Variants in VTI1A observed in about 807,000 individuals in gnomAD.
VTI1A encodes vesicle transport through interaction with t-SNAREs 1A.
VTI1A carries 22 observed loss-of-function variants against 34.9 expected under a neutral mutation model. The ratio of observed to expected loss-of-function variants is 0.63; its 90% confidence interval spans 0.45 to 0.90. The LOEUF (loss-of-function observed/expected upper bound fraction) is 0.90. VTI1A is among the 40% of genes least tolerant of loss of function. The pLI, the probability that VTI1A is intolerant of heterozygous loss-of-function variation, is 0.00. For missense variants in VTI1A, 268 were observed against 275.6 expected (o/e 0.97, Z 0.20); for synonymous variants, 87 against 97.3 (o/e 0.89, Z 0.62).
rs1200589265 is a variant in VTI1A at position 112,816,634 on chromosome 10, T to TC, written c.*1257dup. 1.3e-5 allele frequency: 3 copies of TC among 227,106 alleles called. No individual in the cohort carries two copies. Among genetic ancestry groups the TC allele is most frequent in the African/African-American group, 4.4e-5 (2 of 45,002 alleles). The allele number at this position is 227,106 out of a possible 1,614,324, so 14.1% of individuals were successfully genotyped here. A position where few individuals can be genotyped will look rare whatever the true frequency, so the allele number is the denominator to read the frequency against. On this transcript the variant is annotated 3_prime_UTR_variant, in exon 8 of 8. Coordinates refer to ENST00000393077, the MANE Select transcript of VTI1A (RefSeq NM_145206.4). ...AAAAGTTGCCCAAGCTGAGGTCGTT[T>TC]CCCCCCAGTCACAAAGCAGAATGTT...
Position 112,743,013 on chromosome 10 carries a change from C to CGTGTGT in VTI1A, c.561-72238_561-72233dup, listed in dbSNP as rs10612255. 3.1e-3 allele frequency among the ~76,000 whole-genome samples: 437 copies of CGTGTGT among 141,972 alleles called. 2 individuals carry two copies. Among genetic ancestry groups the CGTGTGT allele is most frequent in the South Asian group, 4.8e-3 (20 of 4,140 alleles). The allele number at this position is 141,972 out of a possible 152,430, so 93.1% of individuals were successfully genotyped here. A position where few individuals can be genotyped will look rare whatever the true frequency, so the allele number is the denominator to read the frequency against. ...TGTTGATTTAGCTGGGACCTATTCT[C>CGTGTGT]GTGTGTGTGTGTGTGTGTGTGTGTG... On this transcript the variant is annotated intron_variant, in intron 7 of 7. Transcript: ENST00000393077.
chr10:112,703,493 G>A (rs1390596856), intron 7 of VTI1A, among the ~76,000 whole-genome samples: 1 of 152,014 alleles, frequency 6.6e-6, no homozygotes, highest in Non-Finnish European at 1.5e-5. Context: ...CTTGAACCGG[G>A]AGATGAAGGT....
chr10:112,656,501 G>C (rs969998073), intron 5 of VTI1A, among the ~76,000 whole-genome samples: 5 of 146,862 alleles, frequency 3.4e-5, no homozygotes, highest in Admixed American at 1.4e-4. Flanking sequence ...GGGAATACAG[G>C]AGCATACCAC....
intron 5 of VTI1A, among the ~76,000 whole-genome samples, chr10:112,615,302 G>C (rs750875433): frequency 2.6e-4 from 40 of 152,200 alleles, no homozygotes; most frequent in Admixed American, 5.2e-4. Context: ...TTTCCATCTG[G>C]AAAACAGATG....
chr10:112,576,084 T>G (rs1325411341), intron 5 of VTI1A, among the ~76,000 whole-genome samples: 2 of 148,582 alleles, frequency 1.3e-5, no homozygotes, highest in East Asian at 2.0e-4. Flanking sequence ...GCAGTGGCGC[T>G]ATCTCGGCTC....
At chr10:112,778,197 T>C (rs942137799) in intron 7 of VTI1A, among the ~76,000 whole-genome samples, 36 of 152,270 alleles carry the variant, frequency 2.4e-4, no homozygotes, top group Non-Finnish European at 4.6e-4. Flanking sequence ...TTCTGATCTA[T>C]GAGTTGGAAT....
chr10:112,559,287 G>T (rs1230524656), intron 5 of VTI1A, among the ~76,000 whole-genome samples: 1 of 152,140 alleles, frequency 6.6e-6, no homozygotes, highest in Non-Finnish European at 1.5e-5. Flanking sequence ...TCTAAATTTT[G>T]CCCAAGTACA....
At chr10:112,796,419 A>AAAAAAG (rs1564929039) in intron 7 of VTI1A, among the ~76,000 whole-genome samples, 2 of 145,848 alleles carry the variant, frequency 1.4e-5, no homozygotes, top group Non-Finnish European at 1.5e-5. Flanking sequence ...AAAAAAAAAA[A>AAAAAAG]AAGAAGGCTG....
rs190053175 is a variant in VTI1A, at chr10:112,783,130, C to T, written c.561-32160C>T. Among the ~76,000 whole-genome samples the T allele has an allele frequency of 8.5e-5, 13 of 152,220 alleles. No individual in the cohort carries two copies. The East Asian group carries it at 2.5e-3, about 29-fold the overall frequency. Reference sequence around the variant, plus strand: ...TTAAGTGAAGACAAAAACATATATACATTGAATGAAAGGTGTGTAATCTTT... The same window carrying T: ...TTAAGTGAAGACAAAAACATATATATATTGAATGAAAGGTGTGTAATCTTT... On this transcript the variant is annotated intron_variant, in intron 7 of 7. Coordinates refer to ENST00000393077, the MANE Select transcript of VTI1A (RefSeq NM_145206.4).
intron 3 of VTI1A, among the ~76,000 whole-genome samples, chr10:112,472,007 C>T (rs1461289830): frequency 6.6e-6 from 1 of 152,158 alleles, no homozygotes; most frequent in Non-Finnish European, 1.5e-5. Flanking sequence ...GTTATGAGGA[C>T]ATGGTGTGTT....
chr10:112,699,275 G>A (rs1848906484), intron 7 of VTI1A, among the ~76,000 whole-genome samples: 1 of 152,184 alleles, frequency 6.6e-6, no homozygotes, highest in Non-Finnish European at 1.5e-5. Context: ...AGACGGTGTG[G>A]CTTAAGCAAG....
In VTI1A at chr10:112,625,640, C is replaced by CAAAAAAA. The variant is rs766419906; in HGVS notation, c.428-42572_428-42566dup. On this transcript the variant is annotated intron_variant, in intron 5 of 7. Coordinates refer to ENST00000393077, the MANE Select transcript of VTI1A (RefSeq NM_145206.4). ...GGGCAACAAGAGTGAAACTCTGTCT[C>CAAAAAAA]AAAAAAAAAAAAGGAAAACCAAACA... 9.0e-4 allele frequency among the ~76,000 whole-genome samples: 74 copies of CAAAAAAA among 82,584 alleles called. 1 individual carries two copies. The highest frequency in any genetic ancestry group is 3.1e-3 in the African/African-American group (47 of 15,384). The allele number at this position is 82,584 out of a possible 152,430, so 54.2% of individuals were successfully genotyped here.
At chr10:112,704,428 C>G (rs1338612358) in intron 7 of VTI1A, among the ~76,000 whole-genome samples, 1 of 151,970 alleles carries the variant, frequency 6.6e-6, no homozygotes, top group Non-Finnish European at 1.5e-5. Context: ...AAATAAAGGG[C>G]CTATTTTTCT....
chr10:112,578,207 A>G (rs920071468), intron 5 of VTI1A, among the ~76,000 whole-genome samples: 5 of 152,136 alleles, frequency 3.3e-5, no homozygotes, highest in African/African-American at 1.2e-4. Context: ...GAAATAACTG[A>G]GGCTCGAATT....
intron 5 of VTI1A, among the ~76,000 whole-genome samples, chr10:112,585,991 G>A (rs531393462): frequency 2.0e-5 from 3 of 152,098 alleles, no homozygotes; most frequent in East Asian, 1.9e-4. Flanking sequence ...GTGTATAAAT[G>A]GTAATATGGG....
intron 5 of VTI1A, among the ~76,000 whole-genome samples, chr10:112,611,898 T>G (rs1354846742): frequency 2.0e-5 from 3 of 151,806 alleles, no homozygotes; most frequent in Admixed American, 6.6e-5. Flanking sequence ...CCTGCCACCA[T>G]GCCCAGCTAA....
rs535367415 is a variant in VTI1A, at chr10:112,630,647, A to G, written c.428-37571A>G. On this transcript the variant is annotated intron_variant, in intron 5 of 7. Transcript: ENST00000393077. ...TTGATTCTAATGCCCTGACATTTCTATTCTGCACAAGACAGATAGTAGCTT... is the reference window on the plus strand; with the variant it reads ...TTGATTCTAATGCCCTGACATTTCTGTTCTGCACAAGACAGATAGTAGCTT... Among the ~76,000 whole-genome samples the G allele has an allele frequency of 5.3e-5, 8 of 152,314 alleles. No individual in the cohort carries two copies. The South Asian group carries it at 8.3e-4, about 16-fold the overall frequency.
intron 7 of VTI1A, among the ~76,000 whole-genome samples, chr10:112,687,642 T>C (rs1329710188): frequency 6.6e-6 from 1 of 152,126 alleles, no homozygotes; most frequent in Non-Finnish European, 1.5e-5. Context: ...TATTATTTTG[T>C]AACATTTTCA....
chr10:112,839,258 C>T, the VTI1A span, among the ~76,000 whole-genome samples: 2 of 152,190 alleles, frequency 1.3e-5, no homozygotes, highest in Non-Finnish European at 2.9e-5. Context: ...AGGCTGACAA[C>T]CCGCAAGCAA....
Sources: allele counts gnomAD v4.1 joint callset (sites outside exome capture counted in the v4.1 genomes callset), GRCh38; gene constraint gnomAD v4.1.1; transcripts MANE v1.5; gene names NCBI Gene and HGNC (gene_info 2026-07-23, HGNC 2026-07-21).